ARHGAP10: variants seen among roughly 807,000 people sequenced by gnomAD.
ARHGAP10 encodes the protein Rho GTPase activating protein 10.
In ARHGAP10, 87 loss-of-function variants were observed where a neutral mutation model predicts 108.6. That is an observed-to-expected ratio of 0.80 (90% CI 0.67 to 0.96). The LOEUF (loss-of-function observed/expected upper bound fraction) is 0.96. Among genes scored for constraint, ARHGAP10 ranks in the 40% least tolerant of loss-of-function variants. ARHGAP10 has a pLI of 0.00. For missense variants in ARHGAP10, 939 were observed against 954.5 expected, an observed-to-expected ratio of 0.98 and a Z score of 0.21; for synonymous variants, 347 against 341.1, an observed-to-expected ratio of 1.02 and a Z score of -0.19.
At chr4:147,809,847 A>C (rs1022648310) in intron 1 of ARHGAP10, among the ~76,000 whole-genome samples, 1 of 152,174 alleles carries the variant, frequency 6.6e-6, no homozygotes, top group African/African-American at 2.4e-5. Flanking sequence ...CTGAGAATCT[A>C]ATGCCCCTGC....
At chr4:147,859,511 C>T (rs527723799) in intron 5 of ARHGAP10, among the ~76,000 whole-genome samples, 147 of 152,148 alleles carry the variant, frequency 9.7e-4, no homozygotes, top group African/African-American at 3.4e-3. Flanking sequence ...TGACCTCAGG[C>T]GATCCACCCA....
intron 18 of ARHGAP10, among the ~76,000 whole-genome samples, chr4:148,009,485 A>G (rs1170363389): frequency 3.3e-5 from 5 of 152,156 alleles, no homozygotes; most frequent in Non-Finnish European, 5.9e-5. Context: ...AAATGTTAAG[A>G]TCCTCTGATC....
chr4:147,963,025 T>G (rs1739059503), intron 16 of ARHGAP10, among the ~76,000 whole-genome samples: 1 of 152,212 alleles, frequency 6.6e-6, no homozygotes, highest in African/African-American at 2.4e-5. Context: ...TAGTTCTTTT[T>G]CCTATTCTAA....
chr4:147,941,148 G>T (rs555781668), intron 14 of ARHGAP10, among the ~76,000 whole-genome samples: 5 of 152,318 alleles, frequency 3.3e-5, no homozygotes, highest in African/African-American at 9.6e-5. Context: ...GTGTTATGAT[G>T]ATTAGAACTG....
chr4:147,915,995 G>A (rs1467562914), intron 13 of ARHGAP10, among the ~76,000 whole-genome samples: 1 of 152,148 alleles, frequency 6.6e-6, no homozygotes, highest in Non-Finnish European at 1.5e-5. Context: ...TGTAGTGACA[G>A]CTACTCAGGA....
intron 19 of ARHGAP10, among the ~76,000 whole-genome samples, chr4:148,038,363 C>T (rs1728473408): frequency 6.6e-6 from 1 of 152,162 alleles, no homozygotes; most frequent in African/African-American, 2.4e-5. Context: ...ATGTTTTAAA[C>T]AGGCTTATAC....
chr4:147,917,653 ATTATC>A (rs1165734466), intron 13 of ARHGAP10, among the ~76,000 whole-genome samples: 2 of 152,368 alleles, frequency 1.3e-5, no homozygotes, highest in African/African-American at 2.4e-5. Flanking sequence ...TGGACAAAAT[ATTATC>A]TTATTCTAGA....
At chr4:147,800,884 T>A (rs543268797) in intron 1 of ARHGAP10, among the ~76,000 whole-genome samples, 15 of 152,356 alleles carry the variant, frequency 9.8e-5, no homozygotes, top group African/African-American at 3.4e-4. Flanking sequence ...CAATCTTGTC[T>A]CACTGCAACC....
At chr4:147,734,546 G>A (rs1401267536) in intron 1 of ARHGAP10, among the ~76,000 whole-genome samples, 1 of 152,056 alleles carries the variant, frequency 6.6e-6, no homozygotes, top group Non-Finnish European at 1.5e-5. Flanking sequence ...GCCTTTTCCC[G>A]CTTGCTCCAT....
intron 20 of ARHGAP10, among the ~76,000 whole-genome samples, chr4:148,050,249 A>T (rs1219569308): frequency 1.3e-5 from 2 of 150,750 alleles, no homozygotes; most frequent in African/African-American, 4.9e-5. Flanking sequence ...TGAACATTTA[A>T]TTTCTTATTT....
chr4:148,008,358 A>G (rs1371376085), intron 18 of ARHGAP10, among the ~76,000 whole-genome samples: 3 of 152,052 alleles, frequency 2.0e-5, no homozygotes, highest in Admixed American at 1.3e-4. Context: ...GAGCTCTGAC[A>G]CATGCTATTA....
rs1356922848 is a variant in ARHGAP10 at position 147,732,116 on chromosome 4, T to C, written c.-186T>C. On this transcript the variant is annotated 5_prime_UTR_variant, in exon 1 of 23. Transcript: ENST00000336498. ...GCGCCGCAGCTAGCGCTGGTCTCGG[T>C]GGCAGCTCCTCCGCGCCGCAGGACT... 1.2e-5 allele frequency: 5 copies of C among 407,314 alleles called. No homozygotes were observed. Among genetic ancestry groups the C allele is most frequent in the African/African-American group, 2.1e-5 (1 of 47,104 alleles). 25.2% of individuals were successfully genotyped at this position (407,314 alleles called of 1,614,324 possible). A position where few individuals can be genotyped will look rare whatever the true frequency, so the allele number is the denominator to read the frequency against.
chr4:147,793,322 T>TATA (rs56995861), intron 1 of ARHGAP10, among the ~76,000 whole-genome samples: 28 of 33,992 alleles, frequency 8.2e-4, no homozygotes, highest in South Asian at 1.3e-3. Context: ...ATATATATAT[T>TATA]TTTTTTTTTT....
intron 7 of ARHGAP10, among the ~76,000 whole-genome samples, chr4:147,872,096 G>A (rs1197784528): frequency 1.6e-5 from 2 of 121,502 alleles, no homozygotes; most frequent in Non-Finnish European, 1.6e-5. Context: ...AGTGAGACTC[G>A]GTCAAAAAAA....
chr4:147,807,605 A>C (rs1372347377), intron 1 of ARHGAP10, among the ~76,000 whole-genome samples: 2 of 152,220 alleles, frequency 1.3e-5, no homozygotes, highest in Non-Finnish European at 2.9e-5. Flanking sequence ...AGAGTTCAAA[A>C]GCATAATCCA....
chr4:147,765,343 G>GC (rs1249535857), intron 1 of ARHGAP10, among the ~76,000 whole-genome samples: 1 of 147,058 alleles, frequency 6.8e-6, no homozygotes, highest in African/African-American at 2.5e-5. Flanking sequence ...TGTGTGGGGG[G>GC]GGGGGTGTGA....
intron 18 of ARHGAP10, among the ~76,000 whole-genome samples, chr4:147,992,732 A>G (rs1286467282): frequency 1.3e-5 from 2 of 152,194 alleles, no homozygotes; most frequent in Non-Finnish European, 2.9e-5. Context: ...AAAAAGGTTT[A>G]AAACAATTTC....
At chr4:147,821,905 G>A (rs943560498) in intron 1 of ARHGAP10, among the ~76,000 whole-genome samples, 136 of 152,188 alleles carry the variant, frequency 8.9e-4, no homozygotes, top group Non-Finnish European at 1.5e-3. Context: ...GCAAGCCTTC[G>A]CTGCTATTGT....
At chr4:147,937,467 A>T (rs1007779230) in intron 13 of ARHGAP10, among the ~76,000 whole-genome samples, 2 of 152,172 alleles carry the variant, frequency 1.3e-5, no homozygotes, top group Non-Finnish European at 2.9e-5. Flanking sequence ...ATTTGTGGGG[A>T]TACAATTCAG....
Sources: gnomAD v4.1 joint callset for allele counts (sites outside exome capture counted in the v4.1 genomes callset) on GRCh38, gnomAD v4.1.1 for gene constraint, MANE v1.5 for transcripts, NCBI Gene and HGNC (gene_info 2026-07-23, HGNC 2026-07-21) for gene names.